WWOX: variants seen among roughly 807,000 people sequenced by gnomAD.
The protein encoded by WWOX is WW domain-containing oxidoreductase.
A neutral mutation model predicts 46.2 loss-of-function variants in WWOX; 69 were observed. The observed-to-expected ratio is 1.49, with a 90% CI of 1.23 to 1.82. The LOEUF is 1.82. WWOX is among the 40% of genes most tolerant of loss of function. The pLI is 0.00. For synonymous variants in WWOX, 359 were observed against 202.6 expected (o/e 1.77, Z -6.56); for missense variants, 919 against 542.6 (o/e 1.69, Z -6.89).
intron 8 of WWOX, among the ~76,000 whole-genome samples, chr16:78,965,129 A>C (rs1246655654): frequency 1.3e-5 from 2 of 152,254 alleles, no homozygotes; most frequent in East Asian, 3.9e-4. Flanking sequence ...GGCAGAGTCC[A>C]TACTGGGGCA....
chr16:79,200,179 G>A (rs920915479), intron 8 of WWOX, among the ~76,000 whole-genome samples: 8 of 152,138 alleles, frequency 5.3e-5, no homozygotes, highest in Non-Finnish European at 8.8e-5. Context: ...CATGACATCC[G>A]CCAGAGGCCT....
At chr16:78,508,772 C>T (rs1371215097) in intron 8 of WWOX, among the ~76,000 whole-genome samples, 3 of 152,148 alleles carry the variant, frequency 2.0e-5, no homozygotes, top group African/African-American at 4.8e-5. Context: ...TGCCTGCAGC[C>T]GATGTCTCTC....
intron 8 of WWOX, among the ~76,000 whole-genome samples, chr16:79,137,709 C>A (rs2050009822): frequency 6.6e-6 from 1 of 152,098 alleles, no homozygotes; most frequent in Non-Finnish European, 1.5e-5. Flanking sequence ...CCCGACCCTC[C>A]TCCATCCCCT....
At chr16:78,453,630 A>G (rs375033052) in intron 8 of WWOX, among the ~76,000 whole-genome samples, 11 of 152,074 alleles carry the variant, frequency 7.2e-5, no homozygotes, top group African/African-American at 2.7e-4. Context: ...CAGCCCTGCT[A>G]TTTTTATCCT....
At chr16:78,312,277 A>G (rs1468584172) in intron 5 of WWOX, among the ~76,000 whole-genome samples, 1 of 151,844 alleles carries the variant, frequency 6.6e-6, no homozygotes, top group Admixed American at 6.6e-5. Context: ...GCTTTACAGT[A>G]TCTTTTGTAG....
At chr16:78,875,848 A>T (rs566379253) in intron 8 of WWOX, among the ~76,000 whole-genome samples, 2 of 152,168 alleles carry the variant, frequency 1.3e-5, no homozygotes, top group African/African-American at 4.8e-5. Context: ...TTCGTTTTTT[A>T]AAAGAATGTT....
At chr16:78,347,457 G>A (rs1379520440) in intron 5 of WWOX, among the ~76,000 whole-genome samples, 2 of 117,604 alleles carry the variant, frequency 1.7e-5, no homozygotes, top group South Asian at 2.6e-4. Flanking sequence ...ATAAAGTCAC[G>A]CTGTTACCCC....
intron 8 of WWOX, among the ~76,000 whole-genome samples, chr16:78,483,269 A>T (rs1452718852): frequency 2.0e-5 from 3 of 152,192 alleles, no homozygotes; most frequent in African/African-American, 7.2e-5. Flanking sequence ...ATTTACTCTC[A>T]AGAAAGTTGC....
In WWOX at chr16:78,742,761, C is replaced by A. The variant is rs59735373; in HGVS notation, c.1056+310009C>A. ...TCACTTTGGTTTATCGTGTGAGTTT[C>A]CATCCATCAACTCTTTTGTATCTGA... is the stretch of plus-strand genomic sequence containing the variant. On this transcript the variant is annotated intron_variant, in intron 8 of 8. Transcript: ENST00000566780. Among the ~76,000 whole-genome samples, 236 of 152,264 alleles carry A rather than the reference C, an allele frequency of 1.5e-3. 6 individuals carry two copies. In the East Asian group the frequency reaches 0.037, roughly 24 times the overall value.
chr16:78,695,529 C>G lies in WWOX; in HGVS notation c.1056+262777C>G, dbSNP rs559165735. ...GCTGACTTCATCAGAGAGTAGCATG[C>G]AGATCCCACCTGTGAGGCTATGGTC... On this transcript the variant is annotated intron_variant, in intron 8 of 8. Coordinates refer to ENST00000566780, the MANE Select transcript of WWOX (RefSeq NM_016373.4). 5.9e-5 allele frequency among the ~76,000 whole-genome samples: 9 copies of G among 152,280 alleles called. No homozygotes were observed. In the South Asian group the frequency reaches 1.9e-3, roughly 32 times the overall value.
At chr16:78,535,331 A>T (rs1247190300) in intron 8 of WWOX, 1 of 152,238 alleles carries the variant, frequency 6.6e-6, no homozygotes, top group African/African-American at 2.4e-5. Flanking sequence ...GAGATGGATG[A>T]TATGGGTAAT....
At chr16:78,130,085 G>T (rs2033528766) in intron 4 of WWOX, 1 of 152,180 alleles carries the variant, frequency 6.6e-6, no homozygotes, top group African/African-American at 2.4e-5. Flanking sequence ...AGAAGGACGT[G>T]TTTGCTTCCT....
At chr16:78,665,249 A>G (rs917006365) in intron 8 of WWOX, among the ~76,000 whole-genome samples, 2 of 152,182 alleles carry the variant, frequency 1.3e-5, no homozygotes, top group East Asian at 1.9e-4. Flanking sequence ...CGGCACTGCC[A>G]CATCTTGCCA....
intron 8 of WWOX, among the ~76,000 whole-genome samples, chr16:79,069,290 G>A (rs2048503914): frequency 6.6e-6 from 1 of 152,208 alleles, no homozygotes; most frequent in Admixed American, 6.5e-5. Context: ...CGCACTCAGC[G>A]AAGGCCGTGT....
chr16:78,844,771 C>T (rs114874679), intron 8 of WWOX, among the ~76,000 whole-genome samples: 7 of 152,172 alleles, frequency 4.6e-5, no homozygotes, highest in African/African-American at 9.6e-5. Flanking sequence ...CTTTTTTAGT[C>T]TTGTATATTT....
At chr16:78,573,236 A>G (rs1194736960) in intron 8 of WWOX, among the ~76,000 whole-genome samples, 1 of 151,996 alleles carries the variant, frequency 6.6e-6, no homozygotes, top group Non-Finnish European at 1.5e-5. Flanking sequence ...CAGTGAGCCG[A>G]GATCGTGCCA....
chr16:78,163,974 T>G (rs2034882867), intron 4 of WWOX, among the ~76,000 whole-genome samples: 1 of 152,138 alleles, frequency 6.6e-6, no homozygotes, highest in African/African-American at 2.4e-5. Flanking sequence ...TAATGCCTGG[T>G]GTTTACCCAC....
At chr16:78,344,865 A>T (rs2081068184) in intron 5 of WWOX, among the ~76,000 whole-genome samples, 1 of 121,314 alleles carries the variant, frequency 8.2e-6, no homozygotes, top group Non-Finnish European at 2.0e-5. Flanking sequence ...TGAAGAAGTT[A>T]GTTTGGTGAA....
At chr16:78,254,078 T>C (rs1341739258) in intron 5 of WWOX, among the ~76,000 whole-genome samples, 1 of 151,834 alleles carries the variant, frequency 6.6e-6, no homozygotes, top group Non-Finnish European at 1.5e-5. Context: ...GAATTCTTCT[T>C]TTTTTTTTCT....
Sources: gnomAD v4.1 joint callset for allele counts (sites outside exome capture counted in the v4.1 genomes callset) on GRCh38, gnomAD v4.1.1 for gene constraint, MANE v1.5 for transcripts, NCBI Gene and HGNC (gene_info 2026-07-23, HGNC 2026-07-21) for gene names.